DGLUCY: variants seen among roughly 807,000 people sequenced by gnomAD.
DGLUCY encodes the protein D-glutamate cyclase.
In DGLUCY, 58 loss-of-function variants were observed where a neutral mutation model predicts 58.5. The ratio of observed to expected loss-of-function variants is 0.99; its 90% CI spans 0.80 to 1.23. The LOEUF is 1.23. Among genes scored for constraint, DGLUCY ranks in the 50% most tolerant of loss-of-function variants. DGLUCY has a pLI of 0.00. For missense variants in DGLUCY, 779 were observed against 784.7 expected, an observed-to-expected ratio of 0.99 and a Z score of 0.09; for synonymous variants, 325 against 314.1, an observed-to-expected ratio of 1.03 and a Z score of -0.37.
intron 1 of DGLUCY, among the ~76,000 whole-genome samples, chr14:91,116,898 C>T (rs905151823): frequency 4.6e-5 from 7 of 151,126 alleles, no homozygotes; most frequent in Admixed American, 1.3e-4. Flanking sequence ...GAGCCGAAAT[C>T]GCCCCACTGC....
intron 12 of DGLUCY, among the ~76,000 whole-genome samples, chr14:91,209,276 C>T (rs562799155): frequency 3.3e-5 from 5 of 151,152 alleles, no homozygotes; most frequent in Non-Finnish European, 5.9e-5. Context: ...ACAACAACAA[C>T]GACGACAAAA....
intron 1 of DGLUCY, among the ~76,000 whole-genome samples, chr14:91,071,818 A>G (rs2043924174): frequency 6.6e-6 from 1 of 151,894 alleles, no homozygotes; most frequent in Non-Finnish European, 1.5e-5. Flanking sequence ...CAGTCAGCCA[A>G]GATCGCGCCA....
chr14:91,148,443 C>A (rs1323039766), intron 1 of DGLUCY: 1 of 151,250 alleles, frequency 6.6e-6, no homozygotes, highest in African/African-American at 2.4e-5. Context: ...TGAGCTCAAG[C>A]GATCCACCCA....
At chr14:91,074,998 G>T (rs2043995800) in intron 1 of DGLUCY, among the ~76,000 whole-genome samples, 1 of 151,926 alleles carries the variant, frequency 6.6e-6, no homozygotes, top group South Asian at 2.1e-4. Flanking sequence ...CTTGAACCCA[G>T]GAGGTGGAAG....
In DGLUCY at chr14:91,189,065, G is replaced by T; in HGVS notation, c.1090G>T (p.Ala364Ser). The T allele has an allele frequency of 1.2e-6, 2 of 1,614,138 alleles. No individual in the cohort carries two copies. The highest frequency in any genetic ancestry group is 1.7e-6 in the Non-Finnish European group (2 of 1,180,022). ...GACAGATGGCCCACCAGGAGCTGTT[G>T]CTCTGGTTGCCTTCCTGCAGGCCTT... ...EETDGPPGAV[A>S]LVAFLQALEK... The change falls in exon 9 of 14, where the codon GCT (alanine) becomes TCT (serine). Residue 364 changes from alanine (A) to serine (S), a missense_variant. Transcript: ENST00000256324.
chr14:91,092,720 A>G (rs1033424800), intron 1 of DGLUCY, among the ~76,000 whole-genome samples: 2 of 152,184 alleles, frequency 1.3e-5, no homozygotes, highest in Non-Finnish European at 2.9e-5. Context: ...GGAGTATGCA[A>G]TTCAACATAA....
chr14:91,155,205 C>G (rs886679986), intron 1 of DGLUCY, among the ~76,000 whole-genome samples: 1 of 152,194 alleles, frequency 6.6e-6, no homozygotes, highest in Non-Finnish European at 1.5e-5. Flanking sequence ...TGTCTGTCTC[C>G]TGGGACGGTA....
rs767924263 is a variant in DGLUCY, at chr14:91,170,238, G to A, written c.456+37G>A. The stretch of plus-strand genomic sequence containing the variant: ...GCCCACAGCCCACAAGGGCAGAATG[G>A]CCTGAAGATGCAGATCAACTTACAT... On this transcript the variant is annotated intron_variant, in intron 5 of 13. Coordinates refer to ENST00000256324, the MANE Select transcript of DGLUCY (RefSeq NM_001102368.3). 6 of 1,592,622 alleles carry A rather than the reference G, an allele frequency of 3.8e-6. No homozygotes were observed. The Admixed American group carries it at 6.9e-5, about 18-fold the overall frequency.
chr14:91,077,834 G>A (rs1382590129), intron 1 of DGLUCY, among the ~76,000 whole-genome samples: 1 of 150,484 alleles, frequency 6.6e-6, no homozygotes, highest in African/African-American at 2.4e-5. Flanking sequence ...AGAGAAAGAG[G>A]AAAGGAAGAA....
At chr14:91,100,844 G>A (rs1352403351) in intron 1 of DGLUCY, among the ~76,000 whole-genome samples, 1 of 152,174 alleles carries the variant, frequency 6.6e-6, no homozygotes, top group Non-Finnish European at 1.5e-5. Flanking sequence ...GCCGAGGCAG[G>A]TGGATCACTT....
At chr14:91,064,801 A>G (rs1305794580) in intron 1 of DGLUCY, among the ~76,000 whole-genome samples, 1 of 152,102 alleles carries the variant, frequency 6.6e-6, no homozygotes, top group Non-Finnish European at 1.5e-5. Flanking sequence ...AGAAAGATCC[A>G]CTGAATTTGT....
chr14:91,160,943 A>C (rs1399941857), intron 3 of DGLUCY, among the ~76,000 whole-genome samples: 3 of 152,260 alleles, frequency 2.0e-5, no homozygotes, highest in Non-Finnish European at 4.4e-5. Flanking sequence ...ATAAGTGCCC[A>C]AGGAAAAACC....
intron 12 of DGLUCY, among the ~76,000 whole-genome samples, chr14:91,208,055 A>G (rs1885058301): frequency 6.6e-6 from 1 of 152,114 alleles, no homozygotes; most frequent in Non-Finnish European, 1.5e-5. Flanking sequence ...GCCACCTTTA[A>G]TCTTTACATT....
chr14:91,120,710 C>T (rs1278157612), intron 1 of DGLUCY, among the ~76,000 whole-genome samples: 1 of 152,172 alleles, frequency 6.6e-6, no homozygotes, highest in Non-Finnish European at 1.5e-5. Context: ...CCCACCTGGC[C>T]CTGATAATTA....
At chr14:91,159,501 G>A (rs966712782) in intron 2 of DGLUCY, among the ~76,000 whole-genome samples, 1 of 152,134 alleles carries the variant, frequency 6.6e-6, no homozygotes, top group Non-Finnish European at 1.5e-5. Context: ...TCCTTTCTGA[G>A]CACAATTTCC....
chr14:91,121,631 A>G (rs1468187436), intron 1 of DGLUCY, among the ~76,000 whole-genome samples: 1 of 148,224 alleles, frequency 6.7e-6, no homozygotes, highest in Non-Finnish European at 1.5e-5. Context: ...TAATAATAAT[A>G]ATAATAATAA....
At chr14:91,212,900 C>T (rs1265448980) in intron 12 of DGLUCY, among the ~76,000 whole-genome samples, 1 of 151,900 alleles carries the variant, frequency 6.6e-6, no homozygotes, top group East Asian at 1.9e-4. Context: ...ACTCAGGAGG[C>T]TGAGGCAGGA....
intron 1 of DGLUCY, among the ~76,000 whole-genome samples, chr14:91,080,019 A>G (rs951524818): frequency 1.4e-4 from 21 of 152,022 alleles, no homozygotes; most frequent in African/African-American, 4.3e-4. Flanking sequence ...GAGTTTGCCT[A>G]TTATAGGGAC....
chr14:91,111,292 T>TC (rs2044696455), upstream of DGLUCY, among the ~76,000 whole-genome samples: 1 of 64,244 alleles, frequency 1.6e-5, no homozygotes. Flanking sequence ...ATATATATAT[T>TC]TTTTTTTGAG....
Sources: gnomAD v4.1 joint callset for allele counts (sites outside exome capture counted in the v4.1 genomes callset) on GRCh38, gnomAD v4.1.1 for gene constraint, MANE v1.5 for transcripts, NCBI Gene and HGNC (gene_info 2026-07-23, HGNC 2026-07-21) for gene names.